Variants in DCDC2C observed in about 807,000 individuals in gnomAD.
The protein encoded by DCDC2C is doublecortin domain containing 2C, also known as doublecortin domain-containing protein 2C.
Under a neutral mutation model 45.0 loss-of-function variants are expected in DCDC2C, and 44 were observed. That is an observed-to-expected ratio of 0.98 (90% CI 0.77 to 1.26). DCDC2C has a LOEUF of 1.26. Ranked by LOEUF, DCDC2C falls within the 50% of genes most tolerant of loss-of-function variation. The probability of loss-of-function intolerance (pLI) is 0.00; values close to 1 mark genes in which losing one functional copy is unlikely to be tolerated. For missense variants in DCDC2C, 447 were observed against 468.9 expected, an observed-to-expected ratio of 0.95 and a Z score of 0.43; for synonymous variants, 187 against 178.8, an observed-to-expected ratio of 1.05 and a Z score of -0.37.
At chr2:3,778,590 A>C (rs971201769) in intron 8 of DCDC2C, among the ~76,000 whole-genome samples, 1 of 152,132 alleles carries the variant, frequency 6.6e-6, no homozygotes, top group Non-Finnish European at 1.5e-5. Context: ...ACTCCTTAGA[A>C]GAAAGAGGTT....
chr2:3,727,094 A>C lies in DCDC2C; in HGVS notation c.416+15A>C. On this transcript the variant is annotated intron_variant, in intron 3 of 10. Transcript: ENST00000399143. ...CGACATATAAAGTGAGTATAATATT[A>C]TGGGTGAAAAAATCAAACTGTGCCA... is the stretch of plus-strand genomic sequence containing the variant. 1 of 1,540,910 alleles carries C rather than the reference A, an allele frequency of 6.5e-7. No homozygotes were observed. Among genetic ancestry groups the C allele is most frequent in the South Asian group, 1.2e-5 (1 of 83,704 alleles).
chr2:3,745,333 C>T lies in DCDC2C; in HGVS notation c.545+3285C>T, dbSNP rs185473058. Among the ~76,000 whole-genome samples, 1,064 of 152,186 alleles carry T rather than the reference C, an allele frequency of 7.0e-3. 4 individuals carry two copies. Among genetic ancestry groups the T allele is most frequent in the Non-Finnish European group, 0.012 (784 of 68,016 alleles). On this transcript the variant is annotated intron_variant, in intron 4 of 10. Transcript: ENST00000399143. ...CATGTAGAATGATAGTAGTGAAAGT[C>T]GGAGAGAAAATTCTTTTATGGTAGA...
At chr2:3,813,067 ATTTT>A (rs869244524) in intron 10 of DCDC2C, among the ~76,000 whole-genome samples, 3,625 of 29,054 alleles carry the variant, frequency 0.12, 146 homozygotes, top group Admixed American at 0.26. Context: ...ATATATATAT[ATTTT>A]TTTTTTTTTG....
intron 8 of DCDC2C, among the ~76,000 whole-genome samples, chr2:3,771,667 AG>A (rs1237845572): frequency 6.6e-6 from 1 of 152,190 alleles, no homozygotes; most frequent in Non-Finnish European, 1.5e-5. Flanking sequence ...GCAGGAACAT[AG>A]GATGTGGTTT....
intron 3 of DCDC2C, 59 bp from the exon 4 acceptor site, chr2:3,741,861 T>C: frequency 6.7e-7 from 1 of 1,482,488 alleles, no homozygotes; most frequent in South Asian, 1.4e-5. Flanking sequence ...TATTGAATTT[T>C]CAATGTTTCC....
At position 3,752,899 on chromosome 2, in the gene DCDC2C, C is replaced by G; in HGVS notation, c.682C>G (p.Gln228Glu). The G allele has an allele frequency of 6.4e-7, 1 of 1,550,440 alleles. No individual in the cohort carries two copies. The highest frequency in any genetic ancestry group is 8.7e-7 in the Non-Finnish European group (1 of 1,146,924). ...KSPRVPSEVQ[Q>E]RYANVEKNSQ... is the part of the protein sequence containing the mutation. ...TCCAAGGGTGCCCAGTGAGGTCCAACAGTGAGCATGCTTCGTACCTTTCTT... is the reference window on the plus strand; with the variant it reads ...TCCAAGGGTGCCCAGTGAGGTCCAAGAGTGAGCATGCTTCGTACCTTTCTT... Residue 228 changes from glutamine to glutamate, a missense_variant and splice_region_variant, in exon 5 of 11, where the codon CAA becomes GAA. Physicochemically the swap from Gln to Glu is conservative, Grantham distance 29 (BLOSUM62 2). Transcript: ENST00000399143.
intron 10 of DCDC2C, among the ~76,000 whole-genome samples, chr2:3,808,334 TG>T (rs1293585808): frequency 1.3e-5 from 2 of 152,260 alleles, no homozygotes; most frequent in Non-Finnish European, 2.9e-5. Flanking sequence ...ATTTCATCTT[TG>T]GGGACCTGTT....
chr2:3,798,717 G>A (rs1572626687), intron 10 of DCDC2C, among the ~76,000 whole-genome samples: 1 of 152,064 alleles, frequency 6.6e-6, no homozygotes, highest in African/African-American at 2.4e-5. Flanking sequence ...CTTCTGGCTT[G>A]TAGAGTTTCT....
chr2:3,809,830 G>A (rs886549920), intron 10 of DCDC2C, among the ~76,000 whole-genome samples: 6 of 152,208 alleles, frequency 3.9e-5, no homozygotes, highest in Middle Eastern at 3.4e-3. Context: ...ACTTATGAGT[G>A]AGAACATGTG....
intron 6 of DCDC2C, among the ~76,000 whole-genome samples, chr2:3,757,670 AGTGT>A (rs1220300483): frequency 2.6e-5 from 4 of 152,198 alleles, no homozygotes; most frequent in Non-Finnish European, 4.4e-5. Flanking sequence ...AGATGAGTGG[AGTGT>A]AAGTTTCCAC....
At chr2:3,784,894 G>A (rs1464610539) in intron 9 of DCDC2C, among the ~76,000 whole-genome samples, 165 bp from the exon 10 acceptor site, 1 of 152,246 alleles carries the variant, frequency 6.6e-6, no homozygotes, top group Non-Finnish European at 1.5e-5. Context: ...CAGTGAGTCA[G>A]TAGTGAGGAT....
chr2:3,839,908 G>C (rs979463774), intron 10 of DCDC2C, among the ~76,000 whole-genome samples: 2 of 152,176 alleles, frequency 1.3e-5, no homozygotes, highest in Admixed American at 6.5e-5. Context: ...TTGACACACA[G>C]ATACACTTAT....
chr2:3,726,738 C>T (rs1188989610), intron 2 of DCDC2C, among the ~76,000 whole-genome samples: 1 of 152,152 alleles, frequency 6.6e-6, no homozygotes, highest in Non-Finnish European at 1.5e-5. Flanking sequence ...GTCAGCCCAG[C>T]CCCCGCACCC....
At chr2:3,825,166 C>G (rs976027709) in intron 10 of DCDC2C, among the ~76,000 whole-genome samples, 1 of 152,180 alleles carries the variant, frequency 6.6e-6, no homozygotes, top group East Asian at 1.9e-4. Context: ...AGCCCCTCAT[C>G]TCTTTTGTGA....
At chr2:3,742,349 G>A (rs1396508064) in intron 4 of DCDC2C, among the ~76,000 whole-genome samples, 1 of 152,200 alleles carries the variant, frequency 6.6e-6, no homozygotes, top group Admixed American at 6.5e-5. Context: ...GACCGTTCAA[G>A]TTGCTAGAAT....
chr2:3,775,894 A>G (rs1202997484), intron 8 of DCDC2C, among the ~76,000 whole-genome samples: 1 of 103,278 alleles, frequency 9.7e-6, no homozygotes, highest in African/African-American at 3.5e-5. Flanking sequence ...GCTCTGAGCT[A>G]GGCAGCTGTG....
intron 10 of DCDC2C, among the ~76,000 whole-genome samples, chr2:3,809,807 T>C (rs1391530642): frequency 6.6e-6 from 1 of 152,152 alleles, no homozygotes; most frequent in African/African-American, 2.4e-5. Flanking sequence ...TATGTTCTCA[T>C]TGTTCAACTC....
intron 2 of DCDC2C, chr2:3,725,913 G>C (rs1298118632): frequency 6.1e-6 from 1 of 164,246 alleles, no homozygotes; most frequent in African/African-American, 2.4e-5. Flanking sequence ...CTGCTGGGTG[G>C]ATCCGGGAGG....
chr2:3,823,081 T>C (rs1426828187), intron 10 of DCDC2C, among the ~76,000 whole-genome samples: 1 of 152,186 alleles, frequency 6.6e-6, no homozygotes. Context: ...AATCTCCCAG[T>C]CTTGGGTATG....
Sources: gnomAD v4.1 joint callset for allele counts (sites outside exome capture counted in the v4.1 genomes callset) on GRCh38, gnomAD v4.1.1 for gene constraint, MANE v1.5 for transcripts, NCBI Gene and HGNC (gene_info 2026-07-23, HGNC 2026-07-21) for gene names.